UGT2A3: variants seen among roughly 807,000 people sequenced by gnomAD.
UGT2A3 encodes UDP glucuronosyltransferase family 2 member A3, also known as UDP-glucuronosyltransferase 2A3.
UGT2A3 carries 55 observed loss-of-function variants against 44.1 expected under a neutral mutation model. The ratio of observed to expected loss-of-function variants is 1.25; its 90% confidence interval spans 1.00 to 1.56. UGT2A3 has a LOEUF of 1.56. Ranked by LOEUF, UGT2A3 falls within the 40% of genes most tolerant of loss-of-function variation. The probability of loss-of-function intolerance (pLI) is 0.00; values close to 1 mark genes in which losing one functional copy is unlikely to be tolerated. For missense variants in UGT2A3, 733 were observed against 621.6 expected (o/e 1.18, Z -1.91); for synonymous variants, 243 against 215.1 (o/e 1.13, Z -1.13).
intron 3 of UGT2A3, among the ~76,000 whole-genome samples, chr4:68,931,912 A>T (rs1302981507): frequency 2.0e-5 from 3 of 151,996 alleles, no homozygotes; most frequent in Non-Finnish European, 4.4e-5. Flanking sequence ...CTTAACAGAT[A>T]ATTTCATAAT....
chr4:68,942,504 G>GATATATATATATATATATATATATATAT (rs34118122), intron 2 of UGT2A3, among the ~76,000 whole-genome samples: 1 of 131,030 alleles, frequency 7.6e-6, no homozygotes, highest in Non-Finnish European at 1.6e-5. Context: ...TTCCACTGGA[G>GATATATATATATATATATATATATATAT]ATATATATAT....
At chr4:68,933,233 A>G (rs1411521556) in intron 2 of UGT2A3, among the ~76,000 whole-genome samples, 2 of 152,074 alleles carry the variant, frequency 1.3e-5, no homozygotes, top group African/African-American at 2.4e-5. Context: ...GAAAAATCTT[A>G]TGGGTTCATG....
intron 4 of UGT2A3, 141 bp from the exon 5 acceptor site, chr4:68,930,906 G>T: frequency 3.8e-6 from 3 of 788,656 alleles, no homozygotes; most frequent in South Asian, 2.0e-5. Flanking sequence ...ATGGAGCATT[G>T]CTACTAAAGA....
chr4:68,943,201 G>T, intron 2 of UGT2A3: 1 of 489,546 alleles, frequency 2.0e-6, no homozygotes, highest in Non-Finnish European at 3.2e-6. Context: ...TTCTATGAGT[G>T]TGTGTTTGTG....
intron 1 of UGT2A3, among the ~76,000 whole-genome samples, chr4:68,949,983 C>T (rs1323902156): frequency 6.6e-6 from 1 of 151,874 alleles, no homozygotes; most frequent in Non-Finnish European, 1.5e-5. Flanking sequence ...TCTTTCACCC[C>T]TTTGATAACA....
chr4:68,942,549 A>G (rs1341242131), intron 2 of UGT2A3, among the ~76,000 whole-genome samples: 1 of 144,062 alleles, frequency 6.9e-6, no homozygotes, highest in East Asian at 2.1e-4. Flanking sequence ...ACATTTTCCA[A>G]TGTTTATATA....
chr4:68,935,808 G>A (rs890633543), intron 2 of UGT2A3, among the ~76,000 whole-genome samples: 1 of 151,948 alleles, frequency 6.6e-6, no homozygotes, highest in African/African-American at 2.4e-5. Flanking sequence ...GAAGACAAAA[G>A]CCTTGAGAAA....
At chr4:68,947,397 T>G (rs925243326) in intron 1 of UGT2A3, among the ~76,000 whole-genome samples, 4 of 151,782 alleles carry the variant, frequency 2.6e-5, no homozygotes, top group Admixed American at 2.0e-4. Flanking sequence ...ATTATAGCAA[T>G]TTAGACAAAC....
At chr4:68,942,349 A>ATG (rs1553902032) in intron 2 of UGT2A3, among the ~76,000 whole-genome samples, 26 of 148,478 alleles carry the variant, frequency 1.8e-4, no homozygotes, top group Admixed American at 1.2e-3. Flanking sequence ...CTATATATAT[A>ATG]TATGCAATGA....
chr4:68,930,417 G>T (rs1717685855), intron 5 of UGT2A3, 129 bp downstream of exon 5: 6 of 899,618 alleles, frequency 6.7e-6, no homozygotes, highest in Non-Finnish European at 9.9e-6. Flanking sequence ...CCAGTAACAA[G>T]GTGATGAATG....
intron 1 of UGT2A3, among the ~76,000 whole-genome samples, chr4:68,947,382 A>G (rs1020932909): frequency 2.0e-5 from 3 of 151,784 alleles, no homozygotes; most frequent in Non-Finnish European, 4.4e-5. Context: ...TAGTTTTATC[A>G]TGATATTATA....
chr4:68,947,725 G>A (rs930956267), intron 1 of UGT2A3, among the ~76,000 whole-genome samples: 1 of 151,804 alleles, frequency 6.6e-6, no homozygotes, highest in Non-Finnish European at 1.5e-5. Context: ...TAAGATGGAT[G>A]TAATAATAGC....
At chr4:68,950,487 T>C (rs1718541101) in intron 1 of UGT2A3, among the ~76,000 whole-genome samples, 1 of 151,744 alleles carries the variant, frequency 6.6e-6, no homozygotes, top group Admixed American at 6.6e-5. Flanking sequence ...AGCAAGGAAA[T>C]AAAAATAAGT....
At chr4:68,930,428 ACTCAATATTGTGGAGTAAAATCC>A in intron 5 of UGT2A3, 95 bp downstream of exon 5, 1 of 978,902 alleles carries the variant, frequency 1.0e-6, no homozygotes, top group African/African-American at 1.6e-5. Flanking sequence ...GTGATGAATG[ACTCAATATTGTGGAGTAAAATCC>A]CTCAACATGT....
Position 68,931,190 on chromosome 4 carries a change from C to T in UGT2A3, c.1049G>A (p.Arg350Gln), listed in dbSNP as rs545451272. 1.1e-5 allele frequency: 18 copies of T among 1,613,016 alleles called. No homozygotes were observed. The highest frequency in any genetic ancestry group is 4.4e-5 in the South Asian group (4 of 91,032). The change falls in exon 4 of 6, where the codon CGG becomes CAG. Residue 350 changes from arginine to glutamine, a missense_variant. Physicochemically the swap from Arg to Gln is conservative, Grantham distance 43. Coordinates refer to ENST00000251566, the MANE Select transcript of UGT2A3 (RefSeq NM_024743.4). Reference protein sequence around the residue: ...KKPSTLGANTRLYDWIPQNDL... With the variant: ...KKPSTLGANTQLYDWIPQNDL... The stretch of plus-strand genomic sequence containing the variant: ...ATTCTGGGGTATCCAATCATACAGC[C>T]GAGTATTGGCTCCTAATGTGGATGG...
rs570598852 is a variant in UGT2A3 at position 68,929,067 on chromosome 4, T to G, written c.*746A>C. 1.3e-5 allele frequency: 1 copy of G among 74,536 alleles called. No individual in the cohort carries two copies. The highest frequency in any genetic ancestry group is 2.7e-4 in the East Asian group (1 of 3,738). 4.6% of individuals were successfully genotyped at this position (74,536 alleles called of 1,614,324 possible). A position where few individuals can be genotyped will look rare whatever the true frequency, so the allele number is the denominator to read the frequency against. On this transcript the variant is annotated 3_prime_UTR_variant, in exon 6 of 6. Transcript: ENST00000251566. ...ATCACCACATATTTCAAATAGTTAC[T>G]AATCCCAAAAATAATCTGTTCACCT...
chr4:68,945,774 T>A (rs1301647380), intron 1 of UGT2A3, among the ~76,000 whole-genome samples: 1 of 151,322 alleles, frequency 6.6e-6, no homozygotes, highest in East Asian at 2.0e-4. Context: ...GACAGATGGT[T>A]ATATTTAAGT....
Position 68,929,781 on chromosome 4 carries a change from C to T in UGT2A3, c.*32G>A, listed in dbSNP as rs767363375. ...TATGTGGCTGGAATTAACAGGATTA[C>T]CCCATCAGGTCTTTCTTGAATTTGG... On this transcript the variant is annotated 3_prime_UTR_variant, in exon 6 of 6. Coordinates refer to ENST00000251566, the MANE Select transcript of UGT2A3 (RefSeq NM_024743.4). The T allele has an allele frequency of 2.0e-6, 3 of 1,517,434 alleles. No homozygotes were observed. The highest frequency in any genetic ancestry group is 1.8e-6 in the Non-Finnish European group (2 of 1,124,170). 94.0% of individuals were successfully genotyped at this position (1,517,434 alleles called of 1,614,324 possible). A position where few individuals can be genotyped will look rare whatever the true frequency, so the allele number is the denominator to read the frequency against.
In UGT2A3 at chr4:68,934,845, C is replaced by T. The variant is rs187338358; in HGVS notation, c.865-2086G>A. Among the ~76,000 whole-genome samples the T allele has an allele frequency of 4.6e-4, 70 of 151,128 alleles. 1 individual carries two copies. Among genetic ancestry groups the T allele is most frequent in the African/African-American group, 1.6e-3 (67 of 41,180 alleles). On this transcript the variant is annotated intron_variant, in intron 2 of 5. Coordinates refer to ENST00000251566, the MANE Select transcript of UGT2A3 (RefSeq NM_024743.4). The stretch of plus-strand genomic sequence containing the variant: ...AATAATGTCACCGCACTCCAGTATG[C>T]GTAACAAAGTGACATTTCATCTCTA...
Sources: allele counts gnomAD v4.1 joint callset (sites outside exome capture counted in the v4.1 genomes callset), GRCh38; gene constraint gnomAD v4.1.1; transcripts MANE v1.5; gene names NCBI Gene and HGNC (gene_info 2026-07-23, HGNC 2026-07-21).